The following DTX4 variants were observed in gnomAD, a reference collection of about 807,000 sequenced individuals.
The protein encoded by DTX4 is deltex E3 ubiquitin ligase 4.
DTX4 carries 28 observed loss-of-function variants against 57.6 expected under a neutral mutation model. The observed-to-expected ratio is 0.49, with a 90% confidence interval of 0.36 to 0.67. The LOEUF (loss-of-function observed/expected upper bound fraction) is 0.67. DTX4 is among the 30% of genes least tolerant of loss of function. The pLI, the probability that DTX4 is intolerant of heterozygous loss-of-function variation, is 0.00. For synonymous variants in DTX4, 316 were observed against 331.0 expected (o/e 0.95, Z 0.49); for missense variants, 715 against 836.8 (o/e 0.85, Z 1.80).
Position 59,188,797 on chromosome 11 carries a change from G to T in DTX4, c.997+1G>T. 2 of 1,613,518 alleles carry T rather than the reference G, an allele frequency of 1.2e-6. No homozygotes were observed. Among genetic ancestry groups the T allele is most frequent in the Non-Finnish European group, 1.7e-6 (2 of 1,179,494 alleles). On this transcript the variant is annotated splice_donor_variant, in intron 3 of 8. Transcript: ENST00000227451. LOFTEE classifies it high-confidence loss of function. ...AGTCCTGTCAACCCTGCCTTGGCAGGTAAGAGAAACCCCAGGATGCTCTGG... is the reference window on the plus strand; with the variant it reads ...AGTCCTGTCAACCCTGCCTTGGCAGTTAAGAGAAACCCCAGGATGCTCTGG...
Position 59,181,931 on chromosome 11 carries a change from T to C in DTX4, c.404T>C (p.Ile135Thr). 6.2e-7 allele frequency: 1 copy of C among 1,613,956 alleles called. No individual in the cohort carries two copies. The highest frequency in any genetic ancestry group is 8.5e-7 in the Non-Finnish European group (1 of 1,179,860). Reference protein sequence around the residue: ...DLTSIGFSYVIDFNTMGQINR... With the variant: ...DLTSIGFSYVTDFNTMGQINR... ...ACTTCCATTGGCTTTAGCTACGTAA[T>C]TGACTTCAACACCATGGGCCAGATC... Residue 135 changes from isoleucine (I) to threonine (T), a missense_variant, in exon 2 of 9, where the codon ATT (isoleucine) becomes ACT (threonine). Coordinates refer to ENST00000227451, the MANE Select transcript of DTX4 (RefSeq NM_015177.2).
At chr11:59,189,679 AG>A (rs1330119622) in intron 4 of DTX4, among the ~76,000 whole-genome samples, 26 of 152,340 alleles carry the variant, frequency 1.7e-4, no homozygotes, top group East Asian at 1.3e-3. Flanking sequence ...GACCACATGG[AG>A]CCCCTATTTT....
upstream of DTX4, among the ~76,000 whole-genome samples, chr11:59,171,853 G>A (rs1022647323): frequency 2.6e-5 from 4 of 152,092 alleles, no homozygotes; most frequent in African/African-American, 9.7e-5. Context: ...GAGAGAGAGA[G>A]AAAATTACAT....
intron 4 of DTX4, among the ~76,000 whole-genome samples, chr11:59,190,487 AC>A (rs935807858): frequency 6.6e-6 from 1 of 152,018 alleles, no homozygotes; most frequent in African/African-American, 2.4e-5. Context: ...CCCATCCTCT[AC>A]CTTCAGGTTG....
chr11:59,199,824 G>A (rs1862720068), intron 8 of DTX4, 51 bp downstream of exon 8: 1 of 1,479,340 alleles, frequency 6.8e-7, no homozygotes. Context: ...AGATCGGGCA[G>A]TTTACTTCTA....
rs568520715 is a variant in DTX4, at chr11:59,179,167, T to C, written c.212-2572T>C. On this transcript the variant is annotated intron_variant, in intron 1 of 8. Transcript: ENST00000227451. ...AACTCTCTAAACTTAATTTCCTCAT[T>C]TGTGAAAGGTATTTCTAGGATTGCT... is the stretch of plus-strand genomic sequence containing the variant. 2.6e-5 allele frequency among the ~76,000 whole-genome samples: 4 copies of C among 152,354 alleles called. No homozygotes were observed. The East Asian group carries it at 7.7e-4, about 29-fold the overall frequency.
chr11:59,177,967 G>A (rs1565215416), intron 1 of DTX4, among the ~76,000 whole-genome samples: 1 of 152,212 alleles, frequency 6.6e-6, no homozygotes. Context: ...CTCTAGTGAA[G>A]GGGACAGATA....
chr11:59,180,469 C>A (rs1013007811), intron 1 of DTX4, among the ~76,000 whole-genome samples: 1 of 152,236 alleles, frequency 6.6e-6, no homozygotes, highest in African/African-American at 2.4e-5. Context: ...TGTTTCTTTT[C>A]TTCCCCCCTT....
intron 1 of DTX4, among the ~76,000 whole-genome samples, chr11:59,180,212 C>CT (rs1480538848): frequency 6.6e-6 from 1 of 152,084 alleles, no homozygotes; most frequent in Non-Finnish European, 1.5e-5. Context: ...AAAGCCCATA[C>CT]TCTTTGTTCC....
chr11:59,198,618 G>C (rs946644856), intron 7 of DTX4, among the ~76,000 whole-genome samples: 1 of 152,094 alleles, frequency 6.6e-6, no homozygotes, highest in African/African-American at 2.4e-5. Context: ...AGAAAAATCT[G>C]GGTTTTTTTC....
At chr11:59,191,989 G>A (rs997090525) in intron 5 of DTX4, 109 bp from the exon 6 acceptor site, 19 of 1,294,208 alleles carry the variant, frequency 1.5e-5, no homozygotes, top group African/African-American at 1.5e-5. Flanking sequence ...ATTTGTGGGT[G>A]TTTTAGAAGA....
Position 59,191,503 on chromosome 11 carries a change from G to C in DTX4, c.1221+328G>C, listed in dbSNP as rs572319229. ...TACAGAACAGTGGTTCTCAACCAGAGACAATTTGGCCCCTGAGGGAACATT... is the reference window on the plus strand; with the variant it reads ...TACAGAACAGTGGTTCTCAACCAGACACAATTTGGCCCCTGAGGGAACATT... On this transcript the variant is annotated intron_variant, in intron 5 of 8. Transcript: ENST00000227451. Among the ~76,000 whole-genome samples, 15 of 152,344 alleles carry C rather than the reference G, an allele frequency of 9.8e-5. No individual in the cohort carries two copies. In the East Asian group the frequency reaches 2.9e-3, roughly 29 times the overall value.
At chr11:59,175,249 A>G (rs79457261) in intron 1 of DTX4, among the ~76,000 whole-genome samples, 1,975 of 152,320 alleles carry the variant, frequency 0.013, 51 homozygotes, top group African/African-American at 0.045. Context: ...ATCCCCATAA[A>G]CAAAAGAGAT....
chr11:59,184,180 C>T (rs1216391343), intron 2 of DTX4, among the ~76,000 whole-genome samples: 5 of 152,304 alleles, frequency 3.3e-5, no homozygotes, highest in African/African-American at 1.2e-4. Flanking sequence ...CGATTTCACA[C>T]AGCACCATCC....
At chr11:59,202,531 C>T (rs1862752118) in intron 8 of DTX4, among the ~76,000 whole-genome samples, 2 of 152,226 alleles carry the variant, frequency 1.3e-5, no homozygotes, top group African/African-American at 2.4e-5. Flanking sequence ...ACATCCTTCT[C>T]TATTGATATG....
rs1565214014 is a variant in DTX4 at position 59,172,556 on chromosome 11, CGGGAGGCG to C, written c.-37_-30del. On this transcript the variant is annotated 5_prime_UTR_variant, in exon 1 of 9. Coordinates refer to ENST00000227451, the MANE Select transcript of DTX4 (RefSeq NM_015177.2). ...CGGAGGAGGTCGGGCGCTCGGGGCC[CGGGAGGCG>C]GGCCGCGCAGCGCCGCAGCCCCGGG... 4 of 1,297,216 alleles carry C rather than the reference CGGGAGGCG, an allele frequency of 3.1e-6. No individual in the cohort carries two copies. The highest frequency in any genetic ancestry group is 1.6e-5 in the African/African-American group (1 of 64,410). The allele number at this position is 1,297,216 out of a possible 1,614,324, so 80.4% of individuals were successfully genotyped here.
chr11:59,193,863 C>T (rs1361721489), intron 6 of DTX4, among the ~76,000 whole-genome samples: 1 of 152,228 alleles, frequency 6.6e-6, no homozygotes, highest in Non-Finnish European at 1.5e-5. Context: ...CCCTAAATAG[C>T]TCAGCAGAGG....
rs1424981596 is a variant in DTX4, at chr11:59,182,022, A to G, written c.495A>G (p.Thr165=). Residue 165 remains threonine (T), a synonymous_variant, in exon 2 of 9, where the codon ACA becomes ACG. Transcript: ENST00000227451. ...TCGACCTCATCTACCCCATGGTCACAGGGACCTTGCCTAAGGCTCAGTCCT... is the reference window on the plus strand; with the variant it reads ...TCGACCTCATCTACCCCATGGTCACGGGGACCTTGCCTAAGGCTCAGTCCT... ...RRLDLIYPMV[T]GTLPKAQSWP... is the part of the protein sequence containing the mutation. 1 of 1,613,576 alleles carries G rather than the reference A, an allele frequency of 6.2e-7. No individual in the cohort carries two copies. Among genetic ancestry groups the G allele is most frequent in the Non-Finnish European group, 8.5e-7 (1 of 1,179,774 alleles).
intron 8 of DTX4, among the ~76,000 whole-genome samples, chr11:59,202,037 C>A (rs1183064378): frequency 1.3e-5 from 2 of 151,032 alleles, no homozygotes; most frequent in Non-Finnish European, 3.0e-5. Flanking sequence ...GATAAGACTT[C>A]ATCTTTTACC....
Sources: allele counts gnomAD v4.1 joint callset (sites outside exome capture counted in the v4.1 genomes callset), GRCh38; gene constraint gnomAD v4.1.1; transcripts MANE v1.5; gene names NCBI Gene and HGNC (gene_info 2026-07-23, HGNC 2026-07-21).